The following AUTS2 variants were observed in gnomAD, a reference collection of about 807,000 sequenced individuals.
The protein encoded by AUTS2 is activator of transcription and developmental regulator AUTS2.
A neutral mutation model predicts 112.4 loss-of-function variants in AUTS2; 17 were observed. The ratio of observed to expected loss-of-function variants is 0.15; its 90% CI spans 0.10 to 0.23. The LOEUF is 0.23. Among genes scored for constraint, AUTS2 ranks in the 10% least tolerant of loss-of-function variants. AUTS2 has a pLI of 1.00. For missense variants in AUTS2, 1,510 were observed against 1,701.6 expected (o/e 0.89, Z 1.98); for synonymous variants, 751 against 702.7 (o/e 1.07, Z -1.09).
intron 17 of AUTS2, 170 bp from the exon 18 acceptor site, chr7:70,787,039 G>T: frequency 1.3e-6 from 1 of 753,176 alleles, no homozygotes. Context: ...TCCAGTGTAG[G>T]ACAAGACTTC....
chr7:69,668,682 A>G (rs1218578663), intron 1 of AUTS2, among the ~76,000 whole-genome samples: 1 of 152,202 alleles, frequency 6.6e-6, no homozygotes, highest in Non-Finnish European at 1.5e-5. Flanking sequence ...TGGTACTGGA[A>G]TTAAGTCAGC....
chr7:70,104,290 G>A (rs1804655453), intron 2 of AUTS2, among the ~76,000 whole-genome samples: 1 of 151,228 alleles, frequency 6.6e-6, no homozygotes, highest in African/African-American at 2.4e-5. Flanking sequence ...CTAGAAAATT[G>A]GGTCTGTTCT....
intron 1 of AUTS2, among the ~76,000 whole-genome samples, chr7:69,799,899 G>C (rs1344037081): frequency 1.3e-5 from 2 of 151,594 alleles, no homozygotes; most frequent in African/African-American, 4.9e-5. Context: ...TTTTTACCTG[G>C]GCAGTTCCTA....
In AUTS2 at chr7:70,766,065, C is replaced by A. The variant is rs773851769; in HGVS notation, c.1469-49C>A. On this transcript the variant is annotated intron_variant, in intron 8 of 18. Coordinates refer to ENST00000342771, the MANE Select transcript of AUTS2 (RefSeq NM_015570.4). This position sits in a 1 kb window ranked among gnomAD's most constrained non-coding sequence, Gnocchi z 4.8. ...CCTCCACAGGAAGGCAGTCCGATGT[C>A]CTTTTCTGAAGGAAAAGGCGTCATC... 2 of 1,588,876 alleles carry A rather than the reference C, an allele frequency of 1.3e-6. No homozygotes were observed. Among genetic ancestry groups the A allele is most frequent in the Admixed American group, 3.4e-5 (2 of 59,110 alleles).
At chr7:70,133,002 T>G (rs1806359239) in intron 3 of AUTS2, among the ~76,000 whole-genome samples, 1 of 152,160 alleles carries the variant, frequency 6.6e-6, no homozygotes, top group African/African-American at 2.4e-5. Flanking sequence ...TGCTGTCATA[T>G]GGCTAGTCAC....
chr7:69,599,307 T>G lies in AUTS2; in HGVS notation c.-347T>G. 4.8e-6 allele frequency: 1 copy of G among 209,886 alleles called. No homozygotes were observed. The highest frequency in any genetic ancestry group is 9.5e-6 in the Non-Finnish European group (1 of 105,628). 13.0% of individuals were successfully genotyped at this position (209,886 alleles called of 1,614,324 possible). The stretch of plus-strand genomic sequence containing the variant: ...TCTGATTTATTGCTTGCTTGGTGAG[T>G]TATTTTTTTTTCCTCTAAAGGAGAC... On this transcript the variant is annotated 5_prime_UTR_variant, in exon 1 of 19. Coordinates refer to ENST00000342771, the MANE Select transcript of AUTS2 (RefSeq NM_015570.4). The surrounding 1 kb of genome is among the most constrained non-coding windows in gnomAD (Gnocchi z 7.0).
intron 2 of AUTS2, among the ~76,000 whole-genome samples, chr7:69,918,828 G>A (rs1795694861): frequency 6.6e-6 from 1 of 152,154 alleles, no homozygotes; most frequent in Admixed American, 6.5e-5. Flanking sequence ...TTAATACTAG[G>A]ATCTTTTACT....
At chr7:70,486,507 G>A (rs186216296) in intron 5 of AUTS2, among the ~76,000 whole-genome samples, 29 of 152,284 alleles carry the variant, frequency 1.9e-4, no homozygotes, top group African/African-American at 5.5e-4. Flanking sequence ...GGGCTGAGGC[G>A]GGAGGATCAC....
At chr7:70,780,186 A>G (rs1467122408) in intron 14 of AUTS2, among the ~76,000 whole-genome samples, 7 of 152,132 alleles carry the variant, frequency 4.6e-5, no homozygotes, top group Non-Finnish European at 1.0e-4. Flanking sequence ...GGCAGTGTGA[A>G]GCCAGTTCAA....
In AUTS2 at chr7:70,126,985, C is replaced by A. The variant is rs189945503; in HGVS notation, c.625-7551C>A. On this transcript the variant is annotated intron_variant, in intron 3 of 18. Coordinates refer to ENST00000342771, the MANE Select transcript of AUTS2 (RefSeq NM_015570.4). ...GAGATTACAGGCATACACCACCACG[C>A]CTGGCTAATTTTTGAATTTTTAGTA... Among the ~76,000 whole-genome samples the A allele has an allele frequency of 5.3e-5, 8 of 152,030 alleles. 1 individual carries two copies. The highest frequency in any genetic ancestry group is 1.5e-4 in the African/African-American group (6 of 41,374).
intron 1 of AUTS2, among the ~76,000 whole-genome samples, chr7:69,719,968 G>T (rs1798832921): frequency 6.6e-6 from 1 of 152,204 alleles, no homozygotes; most frequent in South Asian, 2.1e-4. Flanking sequence ...CTTTCATAGA[G>T]AGAGGCAGCT....
intron 4 of AUTS2, among the ~76,000 whole-genome samples, chr7:70,309,373 AT>A (rs1466995317): frequency 6.6e-6 from 1 of 152,214 alleles, no homozygotes; most frequent in Non-Finnish European, 1.5e-5. Context: ...GAGTTAGGTC[AT>A]TAAAGAATAT....
chr7:69,981,629 G>T (rs141743843), intron 2 of AUTS2, among the ~76,000 whole-genome samples: 4 of 152,044 alleles, frequency 2.6e-5, no homozygotes, highest in Admixed American at 2.6e-4. Flanking sequence ...CACTATCAGC[G>T]CTTAAGAGTC....
chr7:70,027,916 CT>C (rs1800594445), intron 2 of AUTS2, among the ~76,000 whole-genome samples: 1 of 151,984 alleles, frequency 6.6e-6, no homozygotes, highest in South Asian at 2.1e-4. Flanking sequence ...CAGTAAGAAA[CT>C]ATTTAGGGTG....
intron 4 of AUTS2, among the ~76,000 whole-genome samples, chr7:70,355,829 TA>T (rs936480778): frequency 1.1e-4 from 17 of 152,212 alleles, no homozygotes; most frequent in African/African-American, 4.1e-4. Context: ...AGACAGGCTG[TA>T]AAATCATGTG....
intron 5 of AUTS2, among the ~76,000 whole-genome samples, chr7:70,639,759 A>G (rs1170024178): frequency 6.7e-6 from 1 of 149,352 alleles, no homozygotes; most frequent in Non-Finnish European, 1.5e-5. Context: ...AAGGGAGTAA[A>G]CCCCTCCATT....
At chr7:70,389,730 A>AATAC (rs1371616411) in intron 4 of AUTS2, among the ~76,000 whole-genome samples, 1 of 152,076 alleles carries the variant, frequency 6.6e-6, no homozygotes, top group African/African-American at 2.4e-5. Flanking sequence ...AGATACTGTA[A>AATAC]ATACCCTCCT....
intron 5 of AUTS2, among the ~76,000 whole-genome samples, chr7:70,503,686 G>A (rs752839780): frequency 7.9e-5 from 12 of 151,548 alleles, no homozygotes; most frequent in Non-Finnish European, 1.8e-4. Context: ...CCCTGCTAAT[G>A]TTTTAAATTT....
intron 5 of AUTS2, among the ~76,000 whole-genome samples, chr7:70,573,103 A>AT (rs1195646366): frequency 2.1e-4 from 6 of 28,146 alleles, no homozygotes; most frequent in African/African-American, 6.3e-4. Context: ...TATCTGGTTT[A>AT]TTCATGGAAA....
Sources: allele counts gnomAD v4.1 joint callset (sites outside exome capture counted in the v4.1 genomes callset), GRCh38; gene constraint gnomAD v4.1.1; non-coding constraint Gnocchi (gnomAD v3.1); transcripts MANE v1.5; gene names NCBI Gene and HGNC (gene_info 2026-07-23, HGNC 2026-07-21).